FAM13A: variants seen among roughly 807,000 people sequenced by gnomAD.
The protein encoded by FAM13A is protein FAM13A.
A neutral mutation model predicts 129.6 loss-of-function variants in FAM13A; 76 were observed. That is an observed-to-expected ratio of 0.59 (90% CI 0.49 to 0.71). FAM13A has a LOEUF of 0.71. Among genes scored for constraint, FAM13A ranks in the 30% least tolerant of loss-of-function variants. The pLI is 0.00. For missense variants in FAM13A, 1,108 were observed against 1,249.3 expected (o/e 0.89, Z 1.70); for synonymous variants, 443 against 449.9 (o/e 0.98, Z 0.20).
At chr4:88,954,177 T>C (rs1200353168) in intron 4 of FAM13A, among the ~76,000 whole-genome samples, 3 of 152,232 alleles carry the variant, frequency 2.0e-5, no homozygotes, top group Non-Finnish European at 2.9e-5. Context: ...ATAATATTAA[T>C]ATGAGGTGCT....
At chr4:88,776,651 A>T (rs1355953971) in intron 11 of FAM13A, among the ~76,000 whole-genome samples, 6 of 152,144 alleles carry the variant, frequency 3.9e-5, no homozygotes, top group Admixed American at 3.3e-4. Context: ...TGAGCAAATT[A>T]ATATATATGG....
chr4:88,857,093 T>C (rs1017634922), intron 6 of FAM13A, among the ~76,000 whole-genome samples: 4 of 152,204 alleles, frequency 2.6e-5, no homozygotes, highest in Admixed American at 2.6e-4. Flanking sequence ...CCATTTTTTT[T>C]TCTGAGAAAA....
intron 6 of FAM13A, among the ~76,000 whole-genome samples, chr4:88,853,925 G>A (rs774498343): frequency 1.3e-4 from 20 of 152,136 alleles, no homozygotes; most frequent in Admixed American, 4.6e-4. Flanking sequence ...CAAGTTCTTC[G>A]GCTTTTGGAC....
At chr4:88,941,279 G>A (rs926485897) in intron 4 of FAM13A, among the ~76,000 whole-genome samples, 16 of 152,284 alleles carry the variant, frequency 1.1e-4, no homozygotes, top group African/African-American at 2.9e-4. Flanking sequence ...AATGAATAGC[G>A]AAGTTTCCTG....
intron 7 of FAM13A, among the ~76,000 whole-genome samples, chr4:88,831,916 AAG>A (rs1733944513): frequency 6.6e-6 from 1 of 152,162 alleles, no homozygotes; most frequent in South Asian, 2.1e-4. Flanking sequence ...GGAACCAAAG[AAG>A]ACCCCAAATA....
At chr4:88,785,717 C>A (rs1723832294) in intron 10 of FAM13A, among the ~76,000 whole-genome samples, 1 of 152,132 alleles carries the variant, frequency 6.6e-6, no homozygotes, top group African/African-American at 2.4e-5. Context: ...CTGGGCCAGA[C>A]AAAATTAGTG....
intron 4 of FAM13A, among the ~76,000 whole-genome samples, chr4:88,986,924 G>C (rs1309017769): frequency 6.6e-6 from 1 of 152,084 alleles, no homozygotes; most frequent in Non-Finnish European, 1.5e-5. Flanking sequence ...CCTTGCTCTA[G>C]AAGTCATTAA....
At chr4:89,022,961 C>T (rs777770521) in intron 2 of FAM13A, among the ~76,000 whole-genome samples, 1 of 152,162 alleles carries the variant, frequency 6.6e-6, no homozygotes, top group Non-Finnish European at 1.5e-5. Context: ...ATGACTGAAG[C>T]CTTGGCTGAC....
intron 1 of FAM13A, among the ~76,000 whole-genome samples, chr4:89,054,304 C>CACAT (rs1235489428): frequency 6.6e-6 from 1 of 151,592 alleles, no homozygotes; most frequent in African/African-American, 2.4e-5. Flanking sequence ...CACAGACACA[C>CACAT]ACACACACAC....
chr4:88,862,172 C>T (rs1739596763), intron 6 of FAM13A, among the ~76,000 whole-genome samples: 1 of 152,160 alleles, frequency 6.6e-6, no homozygotes, highest in Admixed American at 6.5e-5. Context: ...TGCATATATA[C>T]ATATGAGCTA....
At chr4:88,922,798 C>T (rs1017611747) in intron 5 of FAM13A, among the ~76,000 whole-genome samples, 21 of 151,832 alleles carry the variant, frequency 1.4e-4, no homozygotes, top group Admixed American at 3.3e-4. Flanking sequence ...ATTGATAGAC[C>T]GCTAGCAGAC....
At chr4:88,809,468 C>T (rs1026941128) in intron 7 of FAM13A, among the ~76,000 whole-genome samples, 5 of 152,050 alleles carry the variant, frequency 3.3e-5, no homozygotes, top group African/African-American at 4.8e-5. Flanking sequence ...GCTAAGAATT[C>T]GGTCCCATTC....
chr4:88,758,865 A>G lies in FAM13A; in HGVS notation c.1615T>C (p.Ser539Pro). ...TGATTTCTCTGCTGTTTGGTGTCAG[A>G]TAGGCTGGGATGCTCCTGGATCTTC... ...TMKIQEHPSL[S>P]DTKQQRNQDA... The change falls in exon 14 of 24, where the codon TCT (serine) becomes CCT (proline). Residue 539 changes from serine to proline, a missense_variant. Coordinates refer to ENST00000264344, the MANE Select transcript of FAM13A (RefSeq NM_014883.4). 1 of 1,613,948 alleles carries G rather than the reference A, an allele frequency of 6.2e-7. No homozygotes were observed. The highest frequency in any genetic ancestry group is 8.5e-7 in the Non-Finnish European group (1 of 1,179,910).
intron 7 of FAM13A, among the ~76,000 whole-genome samples, chr4:88,814,622 A>AT (rs770858953): frequency 1.3e-5 from 2 of 152,210 alleles, no homozygotes; most frequent in Non-Finnish European, 2.9e-5. Flanking sequence ...TCAGGCCAGC[A>AT]TTTAGTTTCT....
At chr4:88,927,431 G>GC (rs750469329) in intron 5 of FAM13A, among the ~76,000 whole-genome samples, 1 of 132,344 alleles carries the variant, frequency 7.6e-6, no homozygotes, top group East Asian at 2.0e-4. Context: ...CAATTTGGAT[G>GC]TCTTTTTTTT....
At chr4:89,033,134 A>ACT (rs1220092218) in intron 1 of FAM13A, among the ~76,000 whole-genome samples, 6 of 138,560 alleles carry the variant, frequency 4.3e-5, no homozygotes, top group African/African-American at 1.0e-4. Context: ...ACACACACAC[A>ACT]CACTCTCTCT....
chr4:88,933,636 TA>T (rs35620540), intron 5 of FAM13A, among the ~76,000 whole-genome samples: 40,862 of 152,060 alleles, frequency 0.27, 6,032 homozygotes, highest in Middle Eastern at 0.35. Flanking sequence ...TTCTTTAGCC[TA>T]ACTACAGTCT....
At chr4:88,878,287 C>CAAAAAAAAAAAAAAAAAAAAA (rs56067813) in intron 6 of FAM13A, among the ~76,000 whole-genome samples, 1 of 61,062 alleles carries the variant, frequency 1.6e-5, no homozygotes, top group African/African-American at 7.3e-5. Flanking sequence ...GACTCCATCT[C>CAAAAAAAAAAAAAAAAAAAAA]AAAAAAAAAA....
At chr4:88,886,918 AG>A (rs1269625073) in intron 6 of FAM13A, among the ~76,000 whole-genome samples, 1 of 151,830 alleles carries the variant, frequency 6.6e-6, no homozygotes, top group African/African-American at 2.4e-5. Flanking sequence ...AAAAAAAAAA[AG>A]AAAGAAATTA....
Sources: allele counts gnomAD v4.1 joint callset (sites outside exome capture counted in the v4.1 genomes callset), GRCh38; gene constraint gnomAD v4.1.1; transcripts MANE v1.5; gene names NCBI Gene and HGNC (gene_info 2026-07-23, HGNC 2026-07-21).